Variants in FRMD4B observed in about 807,000 individuals in gnomAD.
FRMD4B encodes FERM domain-containing protein 4B.
A neutral mutation model predicts 141.5 loss-of-function variants in FRMD4B; 74 were observed. The ratio of observed to expected loss-of-function variants is 0.52; its 90% CI spans 0.43 to 0.63. The LOEUF (loss-of-function observed/expected upper bound fraction) is 0.63. Among genes scored for constraint, FRMD4B ranks in the 30% least tolerant of loss-of-function variants. The pLI is 0.00. For synonymous variants in FRMD4B, 506 were observed against 467.9 expected, an observed-to-expected ratio of 1.08 and a Z score of -1.05; for missense variants, 1,366 against 1,253.4, an observed-to-expected ratio of 1.09 and a Z score of -1.36.
Position 69,187,890 on chromosome 3 carries a change from T to C in FRMD4B, c.1799A>G (p.Gln600Arg). 6.3e-7 allele frequency: 1 copy of C among 1,597,878 alleles called. No individual in the cohort carries two copies. Among genetic ancestry groups the C allele is most frequent in the South Asian group, 1.1e-5 (1 of 88,890 alleles). The change falls in exon 19 of 23, where the codon CAG becomes CGG. Residue 600 changes from glutamine (Q) to arginine (R), a missense_variant. Physicochemically the swap from Gln to Arg is conservative, Grantham distance 43. Transcript: ENST00000398540. ...DPSDAFTFPG[Q>R]RSSSVPHSPR... The stretch of plus-strand genomic sequence containing the variant: ...AGAATGAGGTACTGAACTTGATCGC[T>C]GCCCAGGAAAAGTGAAGGCATCACT...
intron 1 of FRMD4B, among the ~76,000 whole-genome samples, chr3:69,359,550 C>G (rs1030954877): frequency 6.6e-6 from 1 of 152,150 alleles, no homozygotes; most frequent in Non-Finnish European, 1.5e-5. Flanking sequence ...GCACTATGTC[C>G]AGGAAAAACA....
rs1382941118 is a variant in FRMD4B at position 69,265,266 on chromosome 3, AAAAATATATATATATAT to A, written c.502-15184_502-15168del. The stretch of plus-strand genomic sequence containing the variant: ...CGAGACTCCATCTCAAAAAAAAAAA[AAAAATATATATATATAT>A]ATATATATATATATATATATATATA... On this transcript the variant is annotated intron_variant, in intron 5 of 22. Coordinates refer to ENST00000398540, the MANE Select transcript of FRMD4B (RefSeq NM_015123.3). 8.7e-3 allele frequency among the ~76,000 whole-genome samples: 162 copies of A among 18,528 alleles called. 21 individuals are homozygous for A. Among genetic ancestry groups the A allele is most frequent in the Admixed American group, 0.041 (61 of 1,474 alleles). The allele number at this position is 18,528 out of a possible 152,430, so 12.2% of individuals were successfully genotyped here.
chr3:69,445,050 G>A (rs920879059), intron 1 of FRMD4B, among the ~76,000 whole-genome samples: 1 of 152,100 alleles, frequency 6.6e-6, no homozygotes, highest in Non-Finnish European at 1.5e-5. Flanking sequence ...AAAAAGTCTC[G>A]CAAAGCAAAA....
intron 1 of FRMD4B, among the ~76,000 whole-genome samples, chr3:69,517,235 A>C (rs1700774375): frequency 6.6e-6 from 1 of 152,200 alleles, no homozygotes; most frequent in Non-Finnish European, 1.5e-5. Context: ...CTGAAGCCAG[A>C]ATCTGTAAAT....
chr3:69,510,004 C>T lies in FRMD4B; in HGVS notation c.-129+32202G>A, dbSNP rs759683117. Among the ~76,000 whole-genome samples, 25 of 151,308 alleles carry T rather than the reference C, an allele frequency of 1.7e-4. 1 individual carries two copies. The highest frequency in any genetic ancestry group is 3.2e-4 in the Non-Finnish European group (22 of 67,790). Reference sequence around the variant, plus strand: ...ACTGGGAAATCAAAAAATCATGTGACGTGCTTGATTGCAATATTTAACACT... The same window carrying T: ...ACTGGGAAATCAAAAAATCATGTGATGTGCTTGATTGCAATATTTAACACT... On this transcript the variant is annotated intron_variant, in intron 1 of 5. Transcript: ENST00000459638.
intron 1 of FRMD4B, among the ~76,000 whole-genome samples, chr3:69,353,867 C>T (rs138272843): frequency 1.3e-5 from 2 of 152,330 alleles, no homozygotes; most frequent in African/African-American, 4.8e-5. Context: ...TTTGGCCACT[C>T]AAACGCTTTC....
intron 1 of FRMD4B, among the ~76,000 whole-genome samples, chr3:69,539,693 A>C (rs1024475524): frequency 6.6e-6 from 1 of 152,210 alleles, no homozygotes; most frequent in Non-Finnish European, 1.5e-5. Context: ...TCTGAATTTA[A>C]GCAAATAAAA....
intron 1 of FRMD4B, among the ~76,000 whole-genome samples, chr3:69,383,783 C>A (rs1364652081): frequency 6.6e-6 from 1 of 152,170 alleles, no homozygotes. Flanking sequence ...TGGTCTTGAA[C>A]TCCTGGGCTC....
intron 22 of FRMD4B, among the ~76,000 whole-genome samples, chr3:69,172,926 TG>T (rs1267135122): frequency 6.6e-6 from 1 of 152,246 alleles, no homozygotes. Flanking sequence ...AGGTTTTTAG[TG>T]TTTTCATGTA....
chr3:69,390,472 C>T (rs963500390), upstream of FRMD4B, among the ~76,000 whole-genome samples: 2 of 152,136 alleles, frequency 1.3e-5, no homozygotes, highest in African/African-American at 4.8e-5. Context: ...ATGCTACTGG[C>T]GTCTAGCAGG....
chr3:69,241,433 T>C (rs1387445060), intron 7 of FRMD4B, among the ~76,000 whole-genome samples: 1 of 152,198 alleles, frequency 6.6e-6, no homozygotes, highest in African/African-American at 2.4e-5. Flanking sequence ...TTTAACCAAG[T>C]ATTGTAGAGA....
intron 19 of FRMD4B, among the ~76,000 whole-genome samples, chr3:69,187,546 A>C (rs879875605): frequency 7.2e-6 from 1 of 138,436 alleles, no homozygotes; most frequent in African/African-American, 2.6e-5. Flanking sequence ...ACCTCAAAAA[A>C]AAAAAAATAT....
At chr3:69,409,866 G>C (rs1390810726) in intron 2 of FRMD4B, among the ~76,000 whole-genome samples, 1 of 152,146 alleles carries the variant, frequency 6.6e-6, no homozygotes, top group Non-Finnish European at 1.5e-5. Flanking sequence ...AGAATTCAGA[G>C]AACACTGGCA....
intron 7 of FRMD4B, among the ~76,000 whole-genome samples, chr3:69,241,835 C>T (rs951035899): frequency 1.3e-5 from 2 of 152,190 alleles, no homozygotes; most frequent in African/African-American, 2.4e-5. Flanking sequence ...CACCACTGCA[C>T]TCCAGCCTGG....
chr3:69,261,058 GA>G (rs2093523912), intron 5 of FRMD4B, among the ~76,000 whole-genome samples: 1 of 152,214 alleles, frequency 6.6e-6, no homozygotes, highest in African/African-American at 2.4e-5. Context: ...CAGGTTGCCA[GA>G]GCCAGATTTC....
chr3:69,248,575 CAAAGGG>C (rs2093440440), intron 7 of FRMD4B, among the ~76,000 whole-genome samples: 1 of 152,212 alleles, frequency 6.6e-6, no homozygotes, highest in African/African-American at 2.4e-5. Flanking sequence ...GCCAGGCTTT[CAAAGGG>C]GTCATTGGCC....
intron 1 of FRMD4B, among the ~76,000 whole-genome samples, chr3:69,455,385 C>G (rs985944679): frequency 1.3e-5 from 2 of 152,194 alleles, no homozygotes; most frequent in Non-Finnish European, 2.9e-5. Context: ...CTGTAACACT[C>G]ACGGCAAAGG....
At chr3:69,183,606 C>T (rs892029749) in intron 19 of FRMD4B, among the ~76,000 whole-genome samples, 3 of 150,702 alleles carry the variant, frequency 2.0e-5, no homozygotes, top group African/African-American at 4.9e-5. Context: ...CCTCAGCCTC[C>T]GGAGTAGCTG....
intron 2 of FRMD4B, among the ~76,000 whole-genome samples, chr3:69,408,666 G>A (rs1284899510): frequency 6.6e-6 from 1 of 152,048 alleles, no homozygotes; most frequent in Non-Finnish European, 1.5e-5. Flanking sequence ...GGTAGGGGGA[G>A]TGGGGGGTGG....
Sources: allele counts gnomAD v4.1 joint callset (sites outside exome capture counted in the v4.1 genomes callset), GRCh38; gene constraint gnomAD v4.1.1; transcripts MANE v1.5; gene names NCBI Gene and HGNC (gene_info 2026-07-23, HGNC 2026-07-21).